The following MORC1 variants were observed in gnomAD, a reference collection of about 807,000 sequenced individuals.
MORC1 encodes MORC family CW-type zinc finger 1.
In MORC1, 59 loss-of-function variants were observed where a neutral mutation model predicts 134.9. The observed-to-expected ratio is 0.44, with a 90% confidence interval of 0.35 to 0.54. MORC1 has a LOEUF of 0.54. MORC1 is among the 20% of genes least tolerant of loss of function. The pLI, the probability that MORC1 is intolerant of heterozygous loss-of-function variation, is 0.00. For synonymous variants in MORC1, 395 were observed against 391.7 expected (o/e 1.01, Z -0.10); for missense variants, 947 against 1,134.5 (o/e 0.83, Z 2.37).
chr3:109,113,154 C>T (rs1355745756), intron 2 of MORC1, among the ~76,000 whole-genome samples: 9 of 152,206 alleles, frequency 5.9e-5, no homozygotes, highest in Non-Finnish European at 4.4e-5. Context: ...AGGAGCCTTG[C>T]TTCCAAGCTT....
chr3:108,969,551 G>A (rs1432207542), intron 26 of MORC1, 118 bp downstream of exon 26: 6 of 1,014,828 alleles, frequency 5.9e-6, no homozygotes, highest in African/African-American at 3.2e-5. Context: ...TCTAAGTCTC[G>A]ATAAGTGAAT....
intron 14 of MORC1, among the ~76,000 whole-genome samples, chr3:109,043,449 T>C (rs1949608732): frequency 6.6e-6 from 1 of 152,148 alleles, no homozygotes; most frequent in South Asian, 2.1e-4. Flanking sequence ...TATAGCATTT[T>C]AGTTGTGCAA....
In MORC1 at chr3:109,118,061, C is replaced by A. The variant is rs576196526; in HGVS notation, c.-2G>T. On this transcript the variant is annotated 5_prime_UTR_variant, in exon 1 of 28. Transcript: ENST00000232603. ...AAGCGCAGGGTACCTGTCGTCCATG[C>A]CCTCGAACACGACCCGCGCAACTCA... The A allele has an allele frequency of 1.9e-6, 3 of 1,607,276 alleles. No homozygotes were observed. The highest frequency in any genetic ancestry group is 1.3e-5 in the African/African-American group (1 of 74,906).
intron 26 of MORC1, among the ~76,000 whole-genome samples, chr3:108,967,357 C>T (rs1297435087): frequency 1.3e-5 from 2 of 152,078 alleles, no homozygotes; most frequent in East Asian, 3.9e-4. Context: ...CAAAGTTTTA[C>T]AGTGCATTCA....
chr3:109,093,414 A>T (rs745451568), intron 8 of MORC1, 22 bp downstream of exon 8: 1 of 1,577,410 alleles, frequency 6.3e-7, no homozygotes, highest in African/African-American at 1.3e-5. Flanking sequence ...GTTGAAAAAC[A>T]TTCTGTCAAA....
rs1262372642 is a variant in MORC1 at position 108,958,619 on chromosome 3, G to A, written c.*346C>T. The stretch of plus-strand genomic sequence containing the variant: ...AAAATCTGCTTTTAAATGTTTTTAA[G>A]GAATAACAAAATTACAATAACAATC... On this transcript the variant is annotated 3_prime_UTR_variant, in exon 28 of 28. Transcript: ENST00000232603. 6.5e-6 allele frequency: 1 copy of A among 153,594 alleles called. No homozygotes were observed. The highest frequency in any genetic ancestry group is 2.4e-5 in the African/African-American group (1 of 41,464). The allele number at this position is 153,594 out of a possible 1,614,324, so 9.5% of individuals were successfully genotyped here.
intron 8 of MORC1, among the ~76,000 whole-genome samples, chr3:109,081,453 CTTTT>C (rs34049870): frequency 4.3e-4 from 47 of 108,150 alleles, no homozygotes; most frequent in Middle Eastern, 4.5e-3. Context: ...AAGAATTAAA[CTTTT>C]TTTTTTTTTT....
chr3:108,963,664 A>G, intron 26 of MORC1, 56 bp from the exon 27 acceptor site: 1 of 1,152,496 alleles, frequency 8.7e-7, no homozygotes, highest in Non-Finnish European at 1.2e-6. Context: ...CTTTCCCTCT[A>G]ATATCACTAG....
chr3:108,991,192 G>A (rs1182817007), intron 21 of MORC1, among the ~76,000 whole-genome samples: 4 of 152,174 alleles, frequency 2.6e-5, no homozygotes, highest in African/African-American at 9.7e-5. Context: ...CTGAGTAGGA[G>A]AATGACATAA....
At chr3:109,028,612 C>T (rs1276132705) in intron 16 of MORC1, among the ~76,000 whole-genome samples, 1 of 152,042 alleles carries the variant, frequency 6.6e-6, no homozygotes, top group Non-Finnish European at 1.5e-5. Flanking sequence ...GTTAAAATTA[C>T]AAAAAAATAC....
intron 12 of MORC1, among the ~76,000 whole-genome samples, chr3:109,057,966 A>T (rs1949997788): frequency 6.6e-6 from 1 of 152,216 alleles, no homozygotes. Flanking sequence ...ATACAAGGTA[A>T]ATAAGTTATT....
At chr3:109,040,353 TGAAAGAAAGAAAGAAA>T (rs35886667) in intron 14 of MORC1, among the ~76,000 whole-genome samples, 4 of 28,202 alleles carry the variant, frequency 1.4e-4, no homozygotes, top group African/African-American at 4.4e-4. Flanking sequence ...CTCAAAGAAC[TGAAAGAAAGAAAGAAA>T]GAAAGAAAGA....
intron 14 of MORC1, among the ~76,000 whole-genome samples, chr3:109,045,743 GAGTCC>G (rs1949681181): frequency 6.6e-6 from 1 of 152,150 alleles, no homozygotes. Context: ...CTCATGTTAT[GAGTCC>G]AGTCAGTGGC....
intron 21 of MORC1, among the ~76,000 whole-genome samples, chr3:108,997,755 T>C (rs981422022): frequency 2.0e-5 from 3 of 152,136 alleles, no homozygotes; most frequent in Non-Finnish European, 2.9e-5. Flanking sequence ...AAGTAACAAA[T>C]ACTTTTTTTT....
intron 23 of MORC1, 107 bp from the exon 24 acceptor site, chr3:108,979,774 G>A: frequency 7.6e-7 from 1 of 1,317,952 alleles, no homozygotes; most frequent in South Asian, 1.5e-5. Flanking sequence ...ATGAGAACAA[G>A]AACATGCGTG....
At chr3:109,089,643 G>T (rs1950679158) in intron 8 of MORC1, among the ~76,000 whole-genome samples, 1 of 152,096 alleles carries the variant, frequency 6.6e-6, no homozygotes, top group Non-Finnish European at 1.5e-5. Flanking sequence ...CGATTTAATG[G>T]AAGAAAACAT....
chr3:109,039,776 G>T (rs1012028288), intron 14 of MORC1, among the ~76,000 whole-genome samples: 3 of 152,170 alleles, frequency 2.0e-5, no homozygotes, highest in African/African-American at 7.2e-5. Context: ...TATGATCACA[G>T]AAGTATAGAT....
intron 26 of MORC1, among the ~76,000 whole-genome samples, chr3:108,968,569 T>A (rs1428297198): frequency 6.6e-6 from 1 of 152,224 alleles, no homozygotes; most frequent in Non-Finnish European, 1.5e-5. Flanking sequence ...GACTTTTGGC[T>A]AAGATCAAAT....
chr3:109,054,617 C>T (rs1186634392), intron 14 of MORC1, 111 bp downstream of exon 14: 19 of 1,002,222 alleles, frequency 1.9e-5, no homozygotes, highest in Non-Finnish European at 2.6e-5. Flanking sequence ...AGCTCCCTTT[C>T]AGAGTTTTCA....
Sources: allele counts gnomAD v4.1 joint callset (sites outside exome capture counted in the v4.1 genomes callset), GRCh38; gene constraint gnomAD v4.1.1; transcripts MANE v1.5; gene names NCBI Gene and HGNC (gene_info 2026-07-23, HGNC 2026-07-21).